The following HADHA variants were observed in gnomAD, a reference collection of about 807,000 sequenced individuals.
HADHA encodes the protein trifunctional enzyme subunit alpha, mitochondrial.
HADHA carries 59 observed loss-of-function variants against 91.3 expected under a neutral mutation model. The ratio of observed to expected loss-of-function variants is 0.65; its 90% confidence interval spans 0.52 to 0.80. The LOEUF is 0.80. HADHA is among the 30% of genes least tolerant of loss of function. The pLI is 0.00. For synonymous variants in HADHA, 320 were observed against 338.9 expected, an observed-to-expected ratio of 0.94 and a Z score of 0.61; for missense variants, 800 against 927.6, an observed-to-expected ratio of 0.86 and a Z score of 1.79.
chr2:26,243,364 C>G (rs542299311), intron 1 of HADHA: 1 of 151,968 alleles, frequency 6.6e-6, no homozygotes, highest in Non-Finnish European at 1.5e-5. Context: ...GAAGGCTAAC[C>G]GTAGGTAAGC....
rs914727245 is a variant in HADHA at position 26,221,158 on chromosome 2, A to T, written c.677-5983T>A. Among the ~76,000 whole-genome samples the T allele has an allele frequency of 2.0e-5, 3 of 152,176 alleles. No individual in the cohort carries two copies. Among genetic ancestry groups the T allele is most frequent in the Non-Finnish European group, 4.4e-5 (3 of 68,022 alleles). ...TTTGGGTTGCTATTCCAGCCCATTT[A>T]CTGAGTAACTAAAAAAGCTGCTAGT... On this transcript the variant is annotated intron_variant, in intron 7 of 19. Coordinates refer to ENST00000380649, the MANE Select transcript of HADHA (RefSeq NM_000182.5). This position sits in a 1 kb window ranked among gnomAD's most constrained non-coding sequence, Gnocchi z 4.8.
Position 26,192,296 on chromosome 2 carries a change from T to G in HADHA, c.2000+14A>C. 7.5e-7 allele frequency: 1 copy of G among 1,329,756 alleles called. No homozygotes were observed. The highest frequency in any genetic ancestry group is 1.1e-6 in the Non-Finnish European group (1 of 919,914). The allele number at this position is 1,329,756 out of a possible 1,614,324, so 82.4% of individuals were successfully genotyped here. The stretch of plus-strand genomic sequence containing the variant: ...AAGTCAATTTCCAGGCATTAGCCAC[T>G]CAAACGGACTTACACTTCAGACTTA... On this transcript the variant is annotated intron_variant, in intron 18 of 19. Transcript: ENST00000380649.
intron 7 of HADHA, among the ~76,000 whole-genome samples, chr2:26,218,063 T>A (rs1670281507): frequency 6.6e-6 from 1 of 152,126 alleles, no homozygotes; most frequent in South Asian, 2.1e-4. Flanking sequence ...CCCAGCACTT[T>A]GGGAGTCCGC....
At chr2:26,209,752 A>C (rs761815338) in intron 11 of HADHA, 28 bp downstream of exon 11, 15 of 1,083,860 alleles carry the variant, frequency 1.4e-5, no homozygotes, top group Non-Finnish European at 2.2e-5. Context: ...AAAATTCACA[A>C]GGGCTTCCTA....
At chr2:26,192,164 G>A (rs1482316668) in intron 18 of HADHA, 146 bp downstream of exon 18, 7 of 624,928 alleles carry the variant, frequency 1.1e-5, no homozygotes, top group Non-Finnish European at 1.7e-5. Context: ...ACAGCACCAT[G>A]GCACGTGTAT....
rs932623692 is a variant in HADHA, at chr2:26,191,010, C to T, written c.*240G>A. 2.2e-5 allele frequency: 13 copies of T among 590,332 alleles called. No homozygotes were observed. Among genetic ancestry groups the T allele is most frequent in the Admixed American group, 1.1e-4 (4 of 36,246 alleles). 36.6% of individuals were successfully genotyped at this position (590,332 alleles called of 1,614,324 possible). On this transcript the variant is annotated 3_prime_UTR_variant, in exon 20 of 20. Transcript: ENST00000380649. Reference sequence around the variant, plus strand: ...GGCTCTTGGCTGCCACTCTAGGCCTCGGGGCTTATACAATGAGCAGTGGGC... The same window carrying T: ...GGCTCTTGGCTGCCACTCTAGGCCTTGGGGCTTATACAATGAGCAGTGGGC...
intron 10 of HADHA, 170 bp downstream of exon 10, chr2:26,212,400 C>A: frequency 1.5e-6 from 1 of 664,616 alleles, no homozygotes; most frequent in South Asian, 1.6e-5. Context: ...TTAGGGTATT[C>A]TTAGCATCCA....
chr2:26,244,306 T>C (rs1484925055), intron 1 of HADHA, among the ~76,000 whole-genome samples: 3 of 152,086 alleles, frequency 2.0e-5, no homozygotes, highest in Non-Finnish European at 4.4e-5. Context: ...ACTCAGAAAG[T>C]TGGGGAGTTA....
rs150443460 is a variant in HADHA at position 26,229,917 on chromosome 2, C to T, written c.676+275G>A. ...TCTTGGCTCACTGCAACCTCAGCCC[C>T]GCCAGGTTCAAGCGATCCTCCTGCC... On this transcript the variant is annotated intron_variant, in intron 7 of 19. Transcript: ENST00000380649. The surrounding 1 kb of genome is among the most constrained non-coding windows in gnomAD (Gnocchi z 4.3). Among the ~76,000 whole-genome samples, 5 of 152,264 alleles carry T rather than the reference C, an allele frequency of 3.3e-5. No individual in the cohort carries two copies. Among genetic ancestry groups the T allele is most frequent in the South Asian group, 2.1e-4 (1 of 4,824 alleles).
intron 12 of HADHA, among the ~76,000 whole-genome samples, chr2:26,202,820 A>G (rs1000578393): frequency 3.9e-5 from 6 of 152,246 alleles, no homozygotes; most frequent in Non-Finnish European, 8.8e-5. Flanking sequence ...AGCAGTCAGC[A>G]AACAAGATAC....
intron 5 of HADHA, among the ~76,000 whole-genome samples, 179 bp from the exon 6 acceptor site, chr2:26,232,458 T>C (rs1013736287): frequency 6.6e-6 from 1 of 152,180 alleles, no homozygotes; most frequent in Non-Finnish European, 1.5e-5. Flanking sequence ...TTTTTCATAC[T>C]TTTCCTCTAA....
At chr2:26,231,952 G>A (rs1670633681) in intron 6 of HADHA, among the ~76,000 whole-genome samples, 1 of 131,104 alleles carries the variant, frequency 7.6e-6, no homozygotes, top group Admixed American at 8.8e-5. Flanking sequence ...CTGGGCTACA[G>A]AGCAAGATTT....
chr2:26,222,055 A>T (rs757205943), intron 7 of HADHA, among the ~76,000 whole-genome samples: 3 of 152,216 alleles, frequency 2.0e-5, no homozygotes, highest in Non-Finnish European at 2.9e-5. Flanking sequence ...CCAGTATCTC[A>T]GAATGTGACT....
chr2:26,214,741 T>C lies in HADHA; in HGVS notation c.800-180A>G, dbSNP rs1242091020. ...TACCTTAAACATGCTAAGTGATGAA[T>C]GTTAAAGCTGGGCCTTGGGTACATG... On this transcript the variant is annotated intron_variant, in intron 8 of 19. Transcript: ENST00000380649. This position sits in a 1 kb window ranked among gnomAD's most constrained non-coding sequence, Gnocchi z 4.1. Among the ~76,000 whole-genome samples the C allele has an allele frequency of 6.6e-6, 1 of 152,236 alleles. No homozygotes were observed. The highest frequency in any genetic ancestry group is 1.5e-5 in the Non-Finnish European group (1 of 68,044).
At chr2:26,206,656 A>C (rs1444012678) in intron 11 of HADHA, among the ~76,000 whole-genome samples, 1 of 152,236 alleles carries the variant, frequency 6.6e-6, no homozygotes, top group African/African-American at 2.4e-5. Context: ...ATACTGTATA[A>C]CATAGTAATT....
intron 1 of HADHA, among the ~76,000 whole-genome samples, chr2:26,240,290 G>C (rs1370776596): frequency 1.3e-5 from 2 of 151,968 alleles, no homozygotes; most frequent in African/African-American, 4.8e-5. Context: ...TAGGCACTTG[G>C]AGTACAGCAG....
chr2:26,241,722 CTGTG>C (rs1670896872), intron 1 of HADHA, among the ~76,000 whole-genome samples: 1 of 152,124 alleles, frequency 6.6e-6, no homozygotes, highest in Admixed American at 6.5e-5. Context: ...AATTCATCTC[CTGTG>C]AAATTATTTT....
chr2:26,234,261 T>C lies in HADHA; in HGVS notation c.409A>G (p.Ile137Val). Residue 137 changes from isoleucine to valine, a missense_variant, in exon 5 of 20, where the codon ATT becomes GTT. Coordinates refer to ENST00000380649, the MANE Select transcript of HADHA (RefSeq NM_000182.5). ...VEKLEKSTKP[I>V]VAAINGSCLG... ...CAGGATCCATTGATGGCAGCCACAA[T>C]AGGCTTTGTGGACTTTTCAAGTTTC... is the stretch of plus-strand genomic sequence containing the variant. 3 of 1,613,124 alleles carry C rather than the reference T, an allele frequency of 1.9e-6. No homozygotes were observed. Among genetic ancestry groups the C allele is most frequent in the Non-Finnish European group, 2.5e-6 (3 of 1,179,058 alleles).
intron 12 of HADHA, among the ~76,000 whole-genome samples, chr2:26,201,955 T>A (rs1669855581): frequency 8.3e-6 from 1 of 120,530 alleles, no homozygotes; most frequent in South Asian, 2.7e-4. Flanking sequence ...CCACCACGCC[T>A]GGCTAATTTT....
Sources: allele counts gnomAD v4.1 joint callset (sites outside exome capture counted in the v4.1 genomes callset), GRCh38; gene constraint gnomAD v4.1.1; non-coding constraint Gnocchi (gnomAD v3.1); transcripts MANE v1.5; gene names NCBI Gene and HGNC (gene_info 2026-07-23, HGNC 2026-07-21).